Variants in TPST1 observed in about 807,000 individuals in gnomAD.
TPST1 encodes the protein tyrosylprotein sulfotransferase 1.
A neutral mutation model predicts 34.8 loss-of-function variants in TPST1; 20 were observed. That is an observed-to-expected ratio of 0.57 (90% CI 0.40 to 0.84). The LOEUF is 0.84. Among genes scored for constraint, TPST1 ranks in the 40% least tolerant of loss-of-function variants. The pLI is 0.00. For synonymous variants in TPST1, 152 were observed against 159.4 expected (o/e 0.95, Z 0.35); for missense variants, 353 against 455.5 (o/e 0.78, Z 2.05).
At chr7:66,278,934 T>C (rs939852259) in intron 2 of TPST1, among the ~76,000 whole-genome samples, 3 of 152,192 alleles carry the variant, frequency 2.0e-5, no homozygotes, top group African/African-American at 7.2e-5. Flanking sequence ...CACATCGCTT[T>C]TTTCTTTCCA....
chr7:66,325,825 AG>A (rs1458869352), intron 3 of TPST1, among the ~76,000 whole-genome samples: 1 of 151,910 alleles, frequency 6.6e-6, no homozygotes, highest in African/African-American at 2.4e-5. Context: ...TAGTAGAGAC[AG>A]GGTTTCACCA....
intron 3 of TPST1, among the ~76,000 whole-genome samples, chr7:66,311,232 G>A (rs1158475143): frequency 1.3e-5 from 2 of 152,020 alleles, no homozygotes; most frequent in East Asian, 3.9e-4. Flanking sequence ...AAACTCCCCT[G>A]GGCTCAAGCC....
the TPST1 span, among the ~76,000 whole-genome samples, chr7:66,200,266 C>T: frequency 1.0e-3 from 158 of 152,182 alleles, 1 homozygote; most frequent in East Asian, 5.4e-3. Flanking sequence ...GAGAGAGACT[C>T]GCAGCTCTCA....
At chr7:66,220,678 T>A (rs1276946164) in intron 1 of TPST1, among the ~76,000 whole-genome samples, 1 of 6,474 alleles carries the variant, frequency 1.5e-4, no homozygotes, top group Non-Finnish European at 2.6e-4. Flanking sequence ...GTGGGGGTGG[T>A]GGGTGGGTGG....
intron 3 of TPST1, among the ~76,000 whole-genome samples, chr7:66,320,673 AC>A (rs1186902128): frequency 1.3e-5 from 2 of 151,312 alleles, no homozygotes; most frequent in African/African-American, 2.4e-5. Context: ...ATCTCGTCTC[AC>A]CACAACCTCC....
intron 2 of TPST1, among the ~76,000 whole-genome samples, chr7:66,277,106 AC>A (rs781216318): frequency 7.2e-5 from 11 of 151,966 alleles, no homozygotes; most frequent in Admixed American, 5.2e-4. Context: ...TGTCTCTGTC[AC>A]CATTGTAATT....
intron 4 of TPST1, among the ~76,000 whole-genome samples, chr7:66,353,314 G>GA (rs1792518102): frequency 6.6e-6 from 1 of 151,724 alleles, no homozygotes; most frequent in African/African-American, 2.4e-5. Flanking sequence ...CTCAAAAAAA[G>GA]AAAAAATTAG....
At chr7:66,284,293 C>T (rs1790987839) in intron 2 of TPST1, among the ~76,000 whole-genome samples, 1 of 152,096 alleles carries the variant, frequency 6.6e-6, no homozygotes, top group Non-Finnish European at 1.5e-5. Flanking sequence ...TGAGCATCTA[C>T]TACATTCCAG....
rs190484463 is a variant in TPST1 at position 66,349,582 on chromosome 7, C to T, written c.1045-2923C>T. Among the ~76,000 whole-genome samples, 325 of 152,016 alleles carry T rather than the reference C, an allele frequency of 2.1e-3. 2 individuals are homozygous for T. The highest frequency in any genetic ancestry group is 7.7e-3 in the African/African-American group (318 of 41,474). ...GCGAAACTCCGTCTCAAAACAACAACAACAACAACAACAAAGTCAAGTCAC... is the reference window on the plus strand; with the variant it reads ...GCGAAACTCCGTCTCAAAACAACAATAACAACAACAACAAAGTCAAGTCAC... On this transcript the variant is annotated intron_variant, in intron 3 of 5. Coordinates refer to ENST00000304842, the MANE Select transcript of TPST1 (RefSeq NM_003596.4).
intron 1 of TPST1, among the ~76,000 whole-genome samples, chr7:66,218,570 G>A (rs1385383682): frequency 6.6e-6 from 1 of 152,182 alleles, no homozygotes; most frequent in Non-Finnish European, 1.5e-5. Context: ...ATAGGGCTGG[G>A]CGCGGTGGCT....
chr7:66,276,385 T>TATATATATATATATATATA (rs1431495136), intron 2 of TPST1, among the ~76,000 whole-genome samples: 46 of 137,598 alleles, frequency 3.3e-4, no homozygotes, highest in African/African-American at 4.5e-4. Flanking sequence ...TATATATGTA[T>TATATATATATATATATATA]TTTTTTGAGG....
At chr7:66,283,556 T>C (rs1006294196) in intron 2 of TPST1, among the ~76,000 whole-genome samples, 15 of 152,214 alleles carry the variant, frequency 9.9e-5, no homozygotes, top group Admixed American at 2.0e-4. Context: ...AAACTTTACT[T>C]ATGGATATTG....
chr7:66,302,016 C>A (rs1562834969), intron 3 of TPST1, among the ~76,000 whole-genome samples: 1 of 152,218 alleles, frequency 6.6e-6, no homozygotes, highest in Non-Finnish European at 1.5e-5. Context: ...TTTGCTTCTT[C>A]ACATGTCTTA....
rs1790968159 is a variant in TPST1, at chr7:66,283,224, G to A, written c.846-3287G>A. Among the ~76,000 whole-genome samples the A allele has an allele frequency of 2.6e-5, 4 of 152,252 alleles. No individual in the cohort carries two copies. The South Asian group carries it at 8.3e-4, about 32-fold the overall frequency. ...TATAGTGTGCTGAGATTGCGTCACTGCACTCCAGCCTGGGTGACAGAGCAA... is the reference window on the plus strand; with the variant it reads ...TATAGTGTGCTGAGATTGCGTCACTACACTCCAGCCTGGGTGACAGAGCAA... On this transcript the variant is annotated intron_variant, in intron 2 of 5. Transcript: ENST00000304842.
intron 2 of TPST1, among the ~76,000 whole-genome samples, chr7:66,246,812 G>C (rs1378453214): frequency 6.6e-6 from 1 of 152,228 alleles, no homozygotes; most frequent in Non-Finnish European, 1.5e-5. Flanking sequence ...CACAGCAGGG[G>C]TGGATGTGTG....
intron 1 of TPST1, among the ~76,000 whole-genome samples, chr7:66,237,860 T>C (rs982305503): frequency 1.3e-5 from 2 of 152,146 alleles, no homozygotes; most frequent in Non-Finnish European, 2.9e-5. Flanking sequence ...CGGACCAAAC[T>C]GAGGGTCGGG....
chr7:66,256,297 G>C (rs1481451192), intron 2 of TPST1, among the ~76,000 whole-genome samples: 1 of 152,070 alleles, frequency 6.6e-6, no homozygotes, highest in Non-Finnish European at 1.5e-5. Context: ...AAAGTTAATG[G>C]ATATTGTATT....
chr7:66,220,239 A>G (rs1207747090), intron 1 of TPST1, among the ~76,000 whole-genome samples: 2 of 152,210 alleles, frequency 1.3e-5, no homozygotes, highest in African/African-American at 4.8e-5. Context: ...TGCTTGTAGT[A>G]TATTGTTATA....
chr7:66,263,975 C>T (rs1034340817), intron 2 of TPST1, among the ~76,000 whole-genome samples: 7 of 152,082 alleles, frequency 4.6e-5, no homozygotes, highest in African/African-American at 1.4e-4. Context: ...TACCCAAGCC[C>T]CATTCCCTGT....
Sources: allele counts gnomAD v4.1 joint callset (sites outside exome capture counted in the v4.1 genomes callset), GRCh38; gene constraint gnomAD v4.1.1; transcripts MANE v1.5; gene names NCBI Gene and HGNC (gene_info 2026-07-23, HGNC 2026-07-21).